Variants in SUMF1 observed in about 807,000 individuals in gnomAD.
SUMF1 encodes formylglycine-generating enzyme.
Under a neutral mutation model 47.6 loss-of-function variants are expected in SUMF1, and 48 were observed. That is an observed-to-expected ratio of 1.01 (90% CI 0.80 to 1.28). The LOEUF is 1.28. Among genes scored for constraint, SUMF1 ranks in the 50% most tolerant of loss-of-function variants. The pLI, the probability that SUMF1 is intolerant of heterozygous loss-of-function variation, is 0.00. For missense variants in SUMF1, 571 were observed against 485.4 expected, an observed-to-expected ratio of 1.18 and a Z score of -1.66; for synonymous variants, 230 against 192.1, an observed-to-expected ratio of 1.20 and a Z score of -1.63.
At chr3:4,079,822 A>G (rs777131997) in intron 8 of SUMF1, among the ~76,000 whole-genome samples, 8 of 151,258 alleles carry the variant, frequency 5.3e-5, no homozygotes, top group Non-Finnish European at 7.4e-5. Flanking sequence ...ATCTAGTCCT[A>G]TCTTTTAAAC....
chr3:4,172,790 T>C (rs1363151886), intron 8 of SUMF1, among the ~76,000 whole-genome samples: 1 of 152,124 alleles, frequency 6.6e-6, no homozygotes, highest in African/African-American at 2.4e-5. Context: ...ATTTCAAAAA[T>C]TTTCTCCCAT....
At chr3:4,402,091 GAA>G (rs1400246859) in intron 7 of SUMF1, among the ~76,000 whole-genome samples, 1 of 152,180 alleles carries the variant, frequency 6.6e-6, no homozygotes, top group Non-Finnish European at 1.5e-5. Context: ...TTTGGGTATG[GAA>G]AAGTCATCAC....
intron 8 of SUMF1, among the ~76,000 whole-genome samples, chr3:4,335,760 G>T (rs1699134000): frequency 6.6e-6 from 1 of 151,994 alleles, no homozygotes; most frequent in Non-Finnish European, 1.5e-5. Context: ...CTGGCCAAGA[G>T]ACCAGCCTAG....
intron 8 of SUMF1, among the ~76,000 whole-genome samples, chr3:4,223,703 T>G (rs925526723): frequency 6.6e-6 from 1 of 152,100 alleles, no homozygotes; most frequent in East Asian, 1.9e-4. Context: ...CCTAAATCAC[T>G]GTCAAAAGTC....
chr3:4,303,252 T>C, intron 8 of SUMF1: 1 of 1,169,974 alleles, frequency 8.5e-7, no homozygotes, highest in East Asian at 3.2e-5. Context: ...TCCAGGCCAC[T>C]CCTGAGAAGA....
intron 8 of SUMF1, among the ~76,000 whole-genome samples, chr3:4,319,746 G>A (rs375249806): frequency 2.0e-5 from 3 of 151,650 alleles, no homozygotes; most frequent in Admixed American, 6.6e-5. Context: ...GTTAAAACTT[G>A]AAGCAACACA....
intron 8 of SUMF1, among the ~76,000 whole-genome samples, chr3:4,197,320 G>A (rs1350231003): frequency 1.3e-5 from 2 of 152,038 alleles, no homozygotes; most frequent in South Asian, 4.1e-4. Context: ...TCACCGTGTT[G>A]CCCAGTATGG....
intron 8 of SUMF1, among the ~76,000 whole-genome samples, chr3:4,124,764 C>T (rs1248722362): frequency 6.6e-6 from 1 of 151,556 alleles, no homozygotes; most frequent in African/African-American, 2.4e-5. Flanking sequence ...TACAAAGAAT[C>T]AATGTATTGA....
In SUMF1 at chr3:4,098,644, T is replaced by C. The variant is rs1196882592; in HGVS notation, c.1015-29899A>G. On this transcript the variant is annotated intron_variant and NMD_transcript_variant, in intron 8 of 12. Transcript: ENST00000448413. Reference sequence around the variant, plus strand: ...AATATCACCATATTTTTATGCACAATATTTTCCCCCTAGAAACTGCATAAT... The same window carrying C: ...AATATCACCATATTTTTATGCACAACATTTTCCCCCTAGAAACTGCATAAT... Among the ~76,000 whole-genome samples the C allele has an allele frequency of 3.3e-5, 5 of 152,168 alleles. No individual in the cohort carries two copies. In the East Asian group the frequency reaches 9.6e-4, roughly 29 times the overall value.
intron 6 of SUMF1, among the ~76,000 whole-genome samples, chr3:4,413,174 T>A (rs1701600573): frequency 6.6e-6 from 1 of 151,860 alleles, no homozygotes; most frequent in African/African-American, 2.4e-5. Context: ...CCGACTAATT[T>A]TTGGAATTTT....
At chr3:4,371,690 C>G (rs988443959) in intron 8 of SUMF1, among the ~76,000 whole-genome samples, 4 of 152,180 alleles carry the variant, frequency 2.6e-5, no homozygotes, top group African/African-American at 9.7e-5. Flanking sequence ...ATGAGTATTT[C>G]TTGAGTACTT....
rs547887725 is a variant in SUMF1, at chr3:4,259,078, C to A, written c.1014+117252G>T. On this transcript the variant is annotated intron_variant and NMD_transcript_variant, in intron 8 of 12. Transcript: ENST00000448413. Reference sequence around the variant, plus strand: ...AATTGAACAATGAGATCACATGGACCCAGGAAGGGGGATATCACACTCTGG... The same window carrying A: ...AATTGAACAATGAGATCACATGGACACAGGAAGGGGGATATCACACTCTGG... 2.8e-3 allele frequency among the ~76,000 whole-genome samples: 392 copies of A among 141,348 alleles called. 3 individuals carry two copies. The highest frequency in any genetic ancestry group is 9.9e-3 in the African/African-American group (376 of 37,832). The allele number at this position is 141,348 out of a possible 152,430, so 92.7% of individuals were successfully genotyped here. A position where few individuals can be genotyped will look rare whatever the true frequency, so the allele number is the denominator to read the frequency against.
chr3:4,369,520 A>G (rs1236132379), intron 8 of SUMF1, among the ~76,000 whole-genome samples: 2 of 152,146 alleles, frequency 1.3e-5, no homozygotes, highest in African/African-American at 4.8e-5. Flanking sequence ...TGTGTAGCAA[A>G]CTCCACACTG....
intron 7 of SUMF1, among the ~76,000 whole-genome samples, chr3:4,390,320 T>C (rs1575165388): frequency 6.6e-6 from 1 of 152,164 alleles, no homozygotes; most frequent in South Asian, 2.1e-4. Context: ...AAGACCTGGC[T>C]AGGCCTTCTC....
chr3:4,253,050 A>T (rs1207864862), intron 8 of SUMF1, among the ~76,000 whole-genome samples: 2 of 152,184 alleles, frequency 1.3e-5, no homozygotes, highest in Non-Finnish European at 1.5e-5. Context: ...AGAGTTTTAA[A>T]TTTTTTAAAA....
chr3:4,222,699 T>C (rs1253732684), intron 8 of SUMF1, among the ~76,000 whole-genome samples: 1 of 152,108 alleles, frequency 6.6e-6, no homozygotes, highest in African/African-American at 2.4e-5. Context: ...CAAGGTTCAC[T>C]GTGAAAAGTG....
At chr3:4,450,472 G>T (rs1702932310) in intron 2 of SUMF1, among the ~76,000 whole-genome samples, 2 of 152,068 alleles carry the variant, frequency 1.3e-5, no homozygotes, top group Admixed American at 1.3e-4. Context: ...TCTTCTTCCT[G>T]CATTCCCTTG....
intron 6 of SUMF1, among the ~76,000 whole-genome samples, chr3:4,413,028 AG>A (rs1228772681): frequency 3.3e-5 from 5 of 151,504 alleles, no homozygotes; most frequent in African/African-American, 1.2e-4. Flanking sequence ...TTTTTTAGAC[AG>A]GGTCTTGCTC....
chr3:4,315,573 AG>A (rs1347974371), intron 8 of SUMF1, among the ~76,000 whole-genome samples: 1 of 152,186 alleles, frequency 6.6e-6, no homozygotes, highest in African/African-American at 2.4e-5. Context: ...CTAAGGTAAG[AG>A]TCAAAGAGTC....
Sources: allele counts gnomAD v4.1 joint callset (sites outside exome capture counted in the v4.1 genomes callset), GRCh38; gene constraint gnomAD v4.1.1; transcripts MANE v1.5; gene names NCBI Gene and HGNC (gene_info 2026-07-23, HGNC 2026-07-21).